Variants in CMTM8 observed in about 807,000 individuals in gnomAD.
CMTM8 encodes the protein CKLF like MARVEL transmembrane domain containing 8, also known as CKLF-like MARVEL transmembrane domain-containing protein 8.
In CMTM8, 12 loss-of-function variants were observed where a neutral mutation model predicts 18.6. The ratio of observed to expected loss-of-function variants is 0.65; its 90% CI spans 0.41 to 1.05. The LOEUF (loss-of-function observed/expected upper bound fraction) is 1.05. Ranked by LOEUF, CMTM8 falls within the 50% of genes least tolerant of loss-of-function variation. The pLI is 0.00. For synonymous variants in CMTM8, 87 were observed against 90.6 expected, an observed-to-expected ratio of 0.96 and a Z score of 0.23; for missense variants, 217 against 227.2, an observed-to-expected ratio of 0.95 and a Z score of 0.29.
chr3:32,347,151 A>G (rs1696612808), intron 1 of CMTM8, among the ~76,000 whole-genome samples: 1 of 152,168 alleles, frequency 6.6e-6, no homozygotes, highest in Non-Finnish European at 1.5e-5. Context: ...GATTTAAGTC[A>G]ATATTCTGTG....
intron 1 of CMTM8, among the ~76,000 whole-genome samples, chr3:32,279,955 T>G (rs995802725): frequency 2.6e-5 from 4 of 151,804 alleles, no homozygotes; most frequent in Admixed American, 2.0e-4. Context: ...TTTCATGTGT[T>G]TTTTGGCTGC....
intron 2 of CMTM8, among the ~76,000 whole-genome samples, chr3:32,363,575 GC>G (rs1196523654): frequency 6.6e-6 from 1 of 152,222 alleles, no homozygotes; most frequent in Non-Finnish European, 1.5e-5. Context: ...GCAGGAGACA[GC>G]CAGCAGCTCT....
At chr3:32,245,765 AG>A (rs1702003329) in intron 1 of CMTM8, among the ~76,000 whole-genome samples, 1 of 152,176 alleles carries the variant, frequency 6.6e-6, no homozygotes, top group African/African-American at 2.4e-5. Flanking sequence ...ATTTCATAAA[AG>A]CAATACCCGA....
At chr3:32,284,107 G>C (rs193235658) in intron 1 of CMTM8, among the ~76,000 whole-genome samples, 108 of 152,270 alleles carry the variant, frequency 7.1e-4, no homozygotes, top group African/African-American at 2.3e-3. Flanking sequence ...CAAAAAATCA[G>C]CTGGGTGTGG....
Position 32,295,455 on chromosome 3 carries a change from C to CAAAAAAAAAAAAAAAAAAA in CMTM8, c.147+56341_147+56359dup, listed in dbSNP as rs1400148634. Among the ~76,000 whole-genome samples the CAAAAAAAAAAAAAAAAAAA allele has an allele frequency of 1.1e-4, 3 of 27,550 alleles. 1 individual carries two copies. Among genetic ancestry groups the CAAAAAAAAAAAAAAAAAAA allele is most frequent in the Non-Finnish European group, 1.9e-4 (3 of 15,462 alleles). 18.1% of individuals were successfully genotyped at this position (27,550 alleles called of 152,430 possible). A position where few individuals can be genotyped will look rare whatever the true frequency, so the allele number is the denominator to read the frequency against. On this transcript the variant is annotated intron_variant, in intron 1 of 3. Coordinates refer to ENST00000307526, the MANE Select transcript of CMTM8 (RefSeq NM_178868.5). The stretch of plus-strand genomic sequence containing the variant: ...TGGGCAATAAAGCGAGACTCCATCT[C>CAAAAAAAAAAAAAAAAAAA]AAAAAAAAAAAAAAAAAAAAAAACA...
At chr3:32,298,708 T>C (rs1300871813) in intron 1 of CMTM8, among the ~76,000 whole-genome samples, 1 of 150,672 alleles carries the variant, frequency 6.6e-6, no homozygotes, top group Non-Finnish European at 1.5e-5. Flanking sequence ...CGATCTCAGC[T>C]CACTGCAGCC....
intron 1 of CMTM8, among the ~76,000 whole-genome samples, chr3:32,269,326 A>G (rs566064338): frequency 6.6e-6 from 1 of 152,344 alleles, no homozygotes; most frequent in South Asian, 2.1e-4. Context: ...GGTATATTTA[A>G]TATTCTACTA....
intron 2 of CMTM8, among the ~76,000 whole-genome samples, chr3:32,364,662 C>T (rs79767532): frequency 7.6e-4 from 115 of 152,262 alleles, no homozygotes; most frequent in African/African-American, 2.7e-3. Flanking sequence ...AAATTTTCAG[C>T]GGTTTGGGTA....
intron 1 of CMTM8, among the ~76,000 whole-genome samples, chr3:32,271,436 A>G (rs1160345482): frequency 1.3e-5 from 2 of 152,194 alleles, no homozygotes; most frequent in South Asian, 2.1e-4. Context: ...TGTATTCTAT[A>G]AAGTTCAAAA....
chr3:32,341,212 T>C (rs762451076), intron 1 of CMTM8, among the ~76,000 whole-genome samples: 5 of 152,320 alleles, frequency 3.3e-5, no homozygotes, highest in East Asian at 1.9e-4. Context: ...CTGCCGGGCA[T>C]CTTGTTTTGC....
chr3:32,291,715 T>C (rs1702781893), intron 1 of CMTM8, among the ~76,000 whole-genome samples: 1 of 152,200 alleles, frequency 6.6e-6, no homozygotes, highest in Non-Finnish European at 1.5e-5. Context: ...GGAAACCTTA[T>C]TTTTGAATTG....
At position 32,262,933 on chromosome 3, in the gene CMTM8, G is replaced by A. The variant is rs537733272; in HGVS notation, c.147+23814G>A. ...GCCTCTCTGGTACATACTAGGGTTA[G>A]GATTAGGATCATACTTGTAACTAAA... On this transcript the variant is annotated intron_variant, in intron 1 of 3. Transcript: ENST00000307526. Among the ~76,000 whole-genome samples the A allele has an allele frequency of 2.0e-5, 3 of 151,632 alleles. No homozygotes were observed. In the South Asian group the frequency reaches 6.2e-4, roughly 31 times the overall value.
At chr3:32,273,888 T>A (rs894997141) in intron 1 of CMTM8, among the ~76,000 whole-genome samples, 2 of 152,150 alleles carry the variant, frequency 1.3e-5, no homozygotes, top group African/African-American at 4.8e-5. Flanking sequence ...AGCTTAAGAG[T>A]CCTCAAGGTT....
At chr3:32,297,327 C>T (rs555444124) in intron 1 of CMTM8, among the ~76,000 whole-genome samples, 7 of 152,182 alleles carry the variant, frequency 4.6e-5, no homozygotes, top group South Asian at 4.1e-4. Flanking sequence ...TACAGGCGCC[C>T]GCCACTGCAC....
chr3:32,255,613 T>C (rs1164591731), intron 1 of CMTM8, among the ~76,000 whole-genome samples: 1 of 152,258 alleles, frequency 6.6e-6, no homozygotes, highest in African/African-American at 2.4e-5. Flanking sequence ...GGTAAACTTT[T>C]TGAGTCATTG....
At chr3:32,332,086 G>A (rs761554423) in intron 1 of CMTM8, among the ~76,000 whole-genome samples, 1 of 151,754 alleles carries the variant, frequency 6.6e-6, no homozygotes, top group East Asian at 1.9e-4. Flanking sequence ...GGAAAAAAAA[G>A]CAACACCTTA....
chr3:32,252,377 C>T (rs1702123458), intron 1 of CMTM8, among the ~76,000 whole-genome samples: 1 of 152,170 alleles, frequency 6.6e-6, no homozygotes, highest in Admixed American at 6.5e-5. Flanking sequence ...CTTATACTAA[C>T]ATTCAAGGTG....
At chr3:32,316,448 G>GT (rs1187538927) in intron 1 of CMTM8, among the ~76,000 whole-genome samples, 2 of 152,188 alleles carry the variant, frequency 1.3e-5, no homozygotes, top group Admixed American at 6.5e-5. Flanking sequence ...GATCCTTGGT[G>GT]TTTACACATT....
At chr3:32,344,409 A>C (rs1339725773) in intron 1 of CMTM8, among the ~76,000 whole-genome samples, 1 of 152,206 alleles carries the variant, frequency 6.6e-6, no homozygotes, top group East Asian at 1.9e-4. Flanking sequence ...GTCCTATAGC[A>C]ATGTAGCATT....
Sources: gnomAD v4.1 joint callset for allele counts (sites outside exome capture counted in the v4.1 genomes callset) on GRCh38, gnomAD v4.1.1 for gene constraint, MANE v1.5 for transcripts, NCBI Gene and HGNC (gene_info 2026-07-23, HGNC 2026-07-21) for gene names.